Variants in GJA4 observed in about 807,000 individuals in gnomAD.
The protein encoded by GJA4 is gap junction alpha-4 protein.
A neutral mutation model predicts 25.1 loss-of-function variants in GJA4; 13 were observed. That is an observed-to-expected ratio of 0.52 (90% CI 0.34 to 0.82). The LOEUF is 0.82. Among genes scored for constraint, GJA4 ranks in the 40% least tolerant of loss-of-function variants. The probability of loss-of-function intolerance (pLI) is 0.02; values close to 1 mark genes in which losing one functional copy is unlikely to be tolerated. For missense variants in GJA4, 357 were observed against 443.5 expected (o/e 0.80, Z 1.75); for synonymous variants, 167 against 193.9 (o/e 0.86, Z 1.15).
Position 34,795,143 on chromosome 1 carries a change from C to T in GJA4, c.930C>T (p.Asp310=), listed in dbSNP as rs1374796536. ...CTTCCAGGCCCCCTCTCTTCCTGGACCCACCCCCTCAGAATGGCCAAAAAC... is the reference window on the plus strand; with the variant it reads ...CTTCCAGGCCCCCTCTCTTCCTGGATCCACCCCCTCAGAATGGCCAAAAAC... ...LASSRPPLFL[D]PPPQNGQKPP... is the part of the protein sequence containing the mutation. Residue 310 remains aspartate, a synonymous_variant, in exon 2 of 2, where the codon GAC becomes GAT. Coordinates refer to ENST00000342280, the MANE Select transcript of GJA4 (RefSeq NM_002060.3). 6.2e-7 allele frequency: 1 copy of T among 1,611,742 alleles called. No individual in the cohort carries two copies. Among genetic ancestry groups the T allele is most frequent in the Admixed American group, 1.7e-5 (1 of 60,016 alleles).
chr1:34,795,128 C>A lies in GJA4; in HGVS notation c.915C>A (p.Pro305=). The A allele has an allele frequency of 6.2e-7, 1 of 1,612,182 alleles. No homozygotes were observed. Among genetic ancestry groups the A allele is most frequent in the South Asian group, 1.1e-5 (1 of 91,014 alleles). ...TTEERLASSR[P]PLFLDPPPQN... is the part of the protein sequence containing the mutation. ...AGGAGAGGCTGGCGTCTTCCAGGCC[C>A]CCTCTCTTCCTGGACCCACCCCCTC... Residue 305 remains proline, a synonymous_variant, in exon 2 of 2, where the codon CCC becomes CCA. Coordinates refer to ENST00000342280, the MANE Select transcript of GJA4 (RefSeq NM_002060.3).
In GJA4 at chr1:34,794,946, G is replaced by C; in HGVS notation, c.733G>C (p.Gly245Arg). The stretch of plus-strand genomic sequence containing the variant: ...CAGCCGGGGGATGAGGGCACGGCAA[G>C]GCCAAGACGCACCCCCGACCCAGGG... ...CLSRGMRARQ[G>R]QDAPPTQGTS... The change falls in exon 2 of 2, where the codon GGC (glycine) becomes CGC (arginine). Residue 245 changes from glycine (G) to arginine (R), a missense_variant. By Grantham distance (125) the Gly-to-Arg change is moderately radical (BLOSUM62 -2). Coordinates refer to ENST00000342280, the MANE Select transcript of GJA4 (RefSeq NM_002060.3). The surrounding 1 kb of genome is among the most constrained non-coding windows in gnomAD (Gnocchi z 7.8). 2 of 1,614,148 alleles carry C rather than the reference G, an allele frequency of 1.2e-6. No individual in the cohort carries two copies. The highest frequency in any genetic ancestry group is 1.7e-6 in the Non-Finnish European group (2 of 1,180,016).
intron 1 of GJA4, among the ~76,000 whole-genome samples, chr1:34,793,885 C>G (rs1640228313): frequency 6.6e-6 from 1 of 152,190 alleles, no homozygotes; most frequent in Non-Finnish European, 1.5e-5. Context: ...TCAACTCCAC[C>G]CAGATTTCCT....
At position 34,794,447 on chromosome 1, in the gene GJA4, G is replaced by A. The variant is rs1158200786; in HGVS notation, c.234G>A (p.Trp78Ter). The A allele has an allele frequency of 1.9e-6, 3 of 1,614,038 alleles. No individual in the cohort carries two copies. Among genetic ancestry groups the A allele is most frequent in the East Asian group, 4.5e-5 (2 of 44,892 alleles). ...TCCCCATCTCCCACATCCGCTACTGGGTGCTGCAGTTCCTCTTCGTCAGCA... is the reference window on the plus strand; with the variant it reads ...TCCCCATCTCCCACATCCGCTACTGAGTGCTGCAGTTCCTCTTCGTCAGCA... ...QAFPISHIRY[W>*]VLQFLFVSTP... Residue 78 changes from tryptophan to a stop codon, truncating the protein, a stop_gained, in exon 2 of 2, where the codon TGG (tryptophan) becomes TGA (stop). Coordinates refer to ENST00000342280, the MANE Select transcript of GJA4 (RefSeq NM_002060.3). LOFTEE classifies it high-confidence loss of function. This position sits in a 1 kb window ranked among gnomAD's most constrained non-coding sequence, Gnocchi z 7.8.
chr1:34,793,968 A>T (rs1640230559), intron 1 of GJA4: 1 of 565,580 alleles, frequency 1.8e-6, no homozygotes, highest in African/African-American at 1.9e-5. Context: ...CAGGGACCTT[A>T]GCCAAAGCAG....
rs750230827 is a variant in GJA4 at position 34,794,536 on chromosome 1, A to G, written c.323A>G (p.Gln108Arg). 1 of 1,612,558 alleles carries G rather than the reference A, an allele frequency of 6.2e-7. No individual in the cohort carries two copies. The highest frequency in any genetic ancestry group is 2.2e-5 in the East Asian group (1 of 44,858). The change falls in exon 2 of 2, where the codon CAG becomes CGG. Residue 108 changes from glutamine (Q) to arginine (R), a missense_variant. Gln to Arg is a conservative substitution (Grantham distance 43, BLOSUM62 1). Transcript: ENST00000342280. This position sits in a 1 kb window ranked among gnomAD's most constrained non-coding sequence, Gnocchi z 7.8. ...YLSRREERLRQKEGELRALPA... is the reference protein window; with the variant it reads ...YLSRREERLRRKEGELRALPA... ...TCTCGGCGAGAAGAGCGGCTGCGGCAGAAGGAGGGGGAGCTGCGGGCACTG... is the reference window on the plus strand; with the variant it reads ...TCTCGGCGAGAAGAGCGGCTGCGGCGGAAGGAGGGGGAGCTGCGGGCACTG...
At chr1:34,793,279 C>G (rs1254423321) in intron 1 of GJA4, among the ~76,000 whole-genome samples, 1 of 152,270 alleles carries the variant, frequency 6.6e-6, no homozygotes, top group African/African-American at 2.4e-5. Context: ...ATTGTTTCCA[C>G]TCTATCGTGG....
chr1:34,793,107 G>C (rs1301928309), intron 1 of GJA4, 39 bp downstream of exon 1: 1 of 291,590 alleles, frequency 3.4e-6, no homozygotes, highest in Non-Finnish European at 6.7e-6. Context: ...GGCGCCACCT[G>C]CTCGCGGGAG....
At chr1:34,793,877 A>C (rs1640228033) in intron 1 of GJA4, among the ~76,000 whole-genome samples, 1 of 152,190 alleles carries the variant, frequency 6.6e-6, no homozygotes, top group African/African-American at 2.4e-5. Flanking sequence ...AAGGAGCCTC[A>C]ACTCCACCCA....
chr1:34,793,663 T>C (rs920350294), intron 1 of GJA4, among the ~76,000 whole-genome samples: 5 of 152,116 alleles, frequency 3.3e-5, no homozygotes, highest in African/African-American at 1.2e-4. Flanking sequence ...GGCTCAAAGA[T>C]TAGAGTGAAG....
rs1640283252 is a variant in GJA4, at chr1:34,795,447, G to A, written c.*232G>A. On this transcript the variant is annotated 3_prime_UTR_variant, in exon 2 of 2. Transcript: ENST00000342280. ...GTGGCTTTGCCTGAGCACAGACAGA[G>A]TCAGCATGGAATGCTCTTGGCCAAG... is the stretch of plus-strand genomic sequence containing the variant. The A allele has an allele frequency of 4.0e-6, 2 of 494,080 alleles. No individual in the cohort carries two copies. Among genetic ancestry groups the A allele is most frequent in the Non-Finnish European group, 7.4e-6 (2 of 269,922 alleles). The allele number at this position is 494,080 out of a possible 1,614,324, so 30.6% of individuals were successfully genotyped here.
At position 34,794,826 on chromosome 1, in the gene GJA4, GAGA is replaced by G. The variant is rs1296731167; in HGVS notation, c.617_619del (p.Lys206del). On this transcript the variant is annotated inframe_deletion, in exon 2 of 2. Transcript: ENST00000342280. The surrounding 1 kb of genome is among the most constrained non-coding windows in gnomAD (Gnocchi z 7.8). ...GGACTGCTTTGTCTCTCGCCCCACGGAGAAGACCATCTTCATCATCTTCATGTT... is the reference window on the plus strand; with the variant it reads ...GGACTGCTTTGTCTCTCGCCCCACGGAGACCATCTTCATCATCTTCATGTT... 1.9e-6 allele frequency: 3 copies of G among 1,614,112 alleles called. No individual in the cohort carries two copies. The highest frequency in any genetic ancestry group is 2.5e-6 in the Non-Finnish European group (3 of 1,179,980).
Position 34,794,845 on chromosome 1 carries a change from T to A in GJA4, c.632T>A (p.Ile211Asn). The A allele has an allele frequency of 2.5e-6, 4 of 1,614,060 alleles. No homozygotes were observed. Among genetic ancestry groups the A allele is most frequent in the Non-Finnish European group, 3.4e-6 (4 of 1,179,988 alleles). The change falls in exon 2 of 2, where the codon ATC becomes AAC. Residue 211 changes from isoleucine (I) to asparagine (N), a missense_variant. Coordinates refer to ENST00000342280, the MANE Select transcript of GJA4 (RefSeq NM_002060.3). This position sits in a 1 kb window ranked among gnomAD's most constrained non-coding sequence, Gnocchi z 7.8. ...CCCACGGAGAAGACCATCTTCATCA[T>A]CTTCATGTTGGTGGTTGGACTCATC... ...SRPTEKTIFIIFMLVVGLISL... is the reference protein window; with the variant it reads ...SRPTEKTIFINFMLVVGLISL...
Position 34,795,265 on chromosome 1 carries a change from G to A in GJA4, c.*50G>A. 1 of 1,242,224 alleles carries A rather than the reference G, an allele frequency of 8.1e-7. No homozygotes were observed. The highest frequency in any genetic ancestry group is 1.4e-5 in the South Asian group (1 of 70,864). 77.0% of individuals were successfully genotyped at this position (1,242,224 alleles called of 1,614,324 possible). ...CAGAGGGGTCCTGAGAAGTCTGGCT[G>A]CCTGGGATGCCCCCTGCCCCCTCCT... is the stretch of plus-strand genomic sequence containing the variant. On this transcript the variant is annotated 3_prime_UTR_variant, in exon 2 of 2. Coordinates refer to ENST00000342280, the MANE Select transcript of GJA4 (RefSeq NM_002060.3).
In GJA4 at chr1:34,794,208, G is replaced by T. The variant is rs866011598; in HGVS notation, c.-6G>T. ...CTGTCTCCTTGCAGACGGAGGCCCG[G>T]GAGCCATGGGTGACTGGGGCTTCCT... On this transcript the variant is annotated 5_prime_UTR_variant, in exon 2 of 2. Coordinates refer to ENST00000342280, the MANE Select transcript of GJA4 (RefSeq NM_002060.3). This position sits in a 1 kb window ranked among gnomAD's most constrained non-coding sequence, Gnocchi z 7.8. 6.2e-7 allele frequency: 1 copy of T among 1,612,832 alleles called. No individual in the cohort carries two copies. The highest frequency in any genetic ancestry group is 1.7e-5 in the Admixed American group (1 of 59,960).
Position 34,795,116 on chromosome 1 carries a change from G to T in GJA4, c.903G>T (p.Ala301=), listed in dbSNP as rs113974864. The T allele has an allele frequency of 2.9e-5, 46 of 1,613,196 alleles. No individual in the cohort carries two copies. In the Middle Eastern group the frequency reaches 4.9e-4, roughly 17 times the overall value. Residue 301 remains alanine (A), a synonymous_variant, in exon 2 of 2, where the codon GCG becomes GCT. Coordinates refer to ENST00000342280, the MANE Select transcript of GJA4 (RefSeq NM_002060.3). The stretch of plus-strand genomic sequence containing the variant: ...ACCTGACCACAGAGGAGAGGCTGGC[G>T]TCTTCCAGGCCCCCTCTCTTCCTGG... ...WANLTTEERL[A]SSRPPLFLDP...
intron 1 of GJA4, among the ~76,000 whole-genome samples, chr1:34,793,647 C>T (rs1457448215): frequency 6.6e-6 from 1 of 152,166 alleles, no homozygotes; most frequent in East Asian, 1.9e-4. Context: ...CTACCCAGCC[C>T]CTGCAGGCTC....
rs1464963397 is a variant in GJA4, at chr1:34,794,548, A to G, written c.335A>G (p.Glu112Gly). Residue 112 changes from glutamate to glycine, a missense_variant, in exon 2 of 2, where the codon GAG (glutamate) becomes GGG (glycine). Physicochemically the swap from Glu to Gly is moderately conservative, Grantham distance 98. Coordinates refer to ENST00000342280, the MANE Select transcript of GJA4 (RefSeq NM_002060.3). The surrounding 1 kb of genome is among the most constrained non-coding windows in gnomAD (Gnocchi z 7.8). ...REERLRQKEGELRALPAKDPQ... is the reference protein window; with the variant it reads ...REERLRQKEGGLRALPAKDPQ... ...GAGCGGCTGCGGCAGAAGGAGGGGGAGCTGCGGGCACTGCCGGCCAAGGAC... is the reference window on the plus strand; with the variant it reads ...GAGCGGCTGCGGCAGAAGGAGGGGGGGCTGCGGGCACTGCCGGCCAAGGAC... The G allele has an allele frequency of 6.2e-7, 1 of 1,610,806 alleles. No homozygotes were observed. The highest frequency in any genetic ancestry group is 1.6e-4 in the Middle Eastern group (1 of 6,062).
In GJA4 at chr1:34,794,287, G is replaced by A; in HGVS notation, c.74G>A (p.Trp25Ter). ...QEHSTVVGKI[W>*]LTVLFIFRIL... ...CACTCGACCGTGGTGGGTAAGATCTGGCTGACGGTGCTCTTCATCTTCCGC... is the reference window on the plus strand; with the variant it reads ...CACTCGACCGTGGTGGGTAAGATCTAGCTGACGGTGCTCTTCATCTTCCGC... The change falls in exon 2 of 2, where the codon TGG (tryptophan) becomes TAG (stop). Residue 25 changes from tryptophan (W) to a stop codon, truncating the protein, a stop_gained. Transcript: ENST00000342280. LOFTEE classifies it high-confidence loss of function. This position sits in a 1 kb window ranked among gnomAD's most constrained non-coding sequence, Gnocchi z 7.8. The A allele has an allele frequency of 6.2e-7, 1 of 1,614,220 alleles. No individual in the cohort carries two copies. The highest frequency in any genetic ancestry group is 8.5e-7 in the Non-Finnish European group (1 of 1,180,040).
Sources: gnomAD v4.1 joint callset for allele counts (sites outside exome capture counted in the v4.1 genomes callset) on GRCh38, gnomAD v4.1.1 for gene constraint, Gnocchi (gnomAD v3.1) non-coding constraint, MANE v1.5 for transcripts, NCBI Gene and HGNC (gene_info 2026-07-23, HGNC 2026-07-21) for gene names.